GPR158: variants seen among roughly 807,000 people sequenced by gnomAD.
GPR158 encodes the protein G protein-coupled receptor 158.
In GPR158, 30 loss-of-function variants were observed where a neutral mutation model predicts 78.2. The ratio of observed to expected loss-of-function variants is 0.38; its 90% CI spans 0.29 to 0.52. GPR158 has a LOEUF of 0.52. GPR158 is among the 20% of genes least tolerant of loss of function. The pLI is 0.83. For missense variants in GPR158, 1,463 were observed against 1,523.5 expected (o/e 0.96, Z 0.66); for synonymous variants, 581 against 591.1 (o/e 0.98, Z 0.25).
At chr10:25,488,256 A>G (rs778412107) in intron 5 of GPR158, among the ~76,000 whole-genome samples, 3 of 152,114 alleles carry the variant, frequency 2.0e-5, no homozygotes, top group South Asian at 2.1e-4. Flanking sequence ...CTTCTCTGCC[A>G]TTTAACCTCA....
At chr10:25,482,234 A>T (rs1250657078) in intron 5 of GPR158, among the ~76,000 whole-genome samples, 1 of 151,990 alleles carries the variant, frequency 6.6e-6, no homozygotes, top group Non-Finnish European at 1.5e-5. Context: ...CCCAGGCTGG[A>T]GGGCAGTGGC....
intron 1 of GPR158, among the ~76,000 whole-genome samples, chr10:25,194,251 G>T (rs1852814812): frequency 6.6e-6 from 1 of 152,052 alleles, no homozygotes. Flanking sequence ...AAGATTGGAA[G>T]AGCCAGGCTG....
At chr10:25,514,398 T>C (rs942164655) in intron 5 of GPR158, among the ~76,000 whole-genome samples, 1 of 152,166 alleles carries the variant, frequency 6.6e-6, no homozygotes, top group Non-Finnish European at 1.5e-5. Context: ...ATGTGAGTCC[T>C]TATATGTTAG....
At chr10:25,224,567 A>T (rs1853347419) in intron 2 of GPR158, among the ~76,000 whole-genome samples, 1 of 151,900 alleles carries the variant, frequency 6.6e-6, no homozygotes, top group South Asian at 2.1e-4. Context: ...TTTTAGTGAG[A>T]CTGTTATGAT....
chr10:25,593,416 A>C (rs1837365860), intron 8 of GPR158, among the ~76,000 whole-genome samples: 1 of 152,092 alleles, frequency 6.6e-6, no homozygotes, highest in African/African-American at 2.4e-5. Context: ...AACTTTGCAC[A>C]TTTGATGATG....
At chr10:25,297,404 C>T (rs556117458) in intron 2 of GPR158, among the ~76,000 whole-genome samples, 37 of 150,548 alleles carry the variant, frequency 2.5e-4, no homozygotes, top group African/African-American at 8.0e-4. Flanking sequence ...ATGAGTGAAT[C>T]AGGTGTGTAA....
At chr10:25,472,823 GA>G (rs1275497011) in intron 5 of GPR158, among the ~76,000 whole-genome samples, 1 of 152,224 alleles carries the variant, frequency 6.6e-6, no homozygotes, top group Non-Finnish European at 1.5e-5. Context: ...AGACTTTGCT[GA>G]AGTTGCTTAT....
intron 2 of GPR158, among the ~76,000 whole-genome samples, chr10:25,375,470 T>C (rs1007254209): frequency 6.6e-6 from 1 of 151,660 alleles, no homozygotes; most frequent in East Asian, 1.9e-4. Flanking sequence ...TTTTCTCTTT[T>C]TTTTCTACAA....
intron 6 of GPR158, among the ~76,000 whole-genome samples, chr10:25,558,619 G>A (rs1836819127): frequency 6.6e-6 from 1 of 152,142 alleles, no homozygotes; most frequent in Non-Finnish European, 1.5e-5. Context: ...ATGTGCCAGA[G>A]GCCCACCTGG....
At chr10:25,297,948 G>T (rs1397282956) in intron 2 of GPR158, among the ~76,000 whole-genome samples, 1 of 152,162 alleles carries the variant, frequency 6.6e-6, no homozygotes, top group East Asian at 1.9e-4. Flanking sequence ...TCACATCTTT[G>T]CCCCTTAATA....
intron 4 of GPR158, among the ~76,000 whole-genome samples, chr10:25,459,862 G>C (rs1835335058): frequency 6.6e-6 from 1 of 152,118 alleles, no homozygotes; most frequent in East Asian, 1.9e-4. Context: ...TTTGATATCT[G>C]GCTGTTATAA....
intron 1 of GPR158, among the ~76,000 whole-genome samples, chr10:25,213,152 T>C (rs1340123891): frequency 6.6e-6 from 1 of 152,204 alleles, no homozygotes; most frequent in African/African-American, 2.4e-5. Flanking sequence ...CATTTTTCTT[T>C]TTCAGTTTTT....
At chr10:25,180,526 C>T (rs544603707) in intron 1 of GPR158, among the ~76,000 whole-genome samples, 10 of 152,138 alleles carry the variant, frequency 6.6e-5, no homozygotes, top group Non-Finnish European at 1.2e-4. Flanking sequence ...TTTGCCCAAA[C>T]CAGTGATATA....
intron 2 of GPR158, among the ~76,000 whole-genome samples, chr10:25,329,839 G>T (rs182475912): frequency 6.6e-6 from 1 of 152,026 alleles, no homozygotes; most frequent in Admixed American, 6.5e-5. Flanking sequence ...TATCGTAAGC[G>T]TCTATACTTG....
At chr10:25,185,546 G>A (rs900525925) in intron 1 of GPR158, among the ~76,000 whole-genome samples, 8 of 152,182 alleles carry the variant, frequency 5.3e-5, no homozygotes, top group South Asian at 2.1e-4. Flanking sequence ...GCACTAGGCC[G>A]GATGTGGTGG....
intron 2 of GPR158, among the ~76,000 whole-genome samples, chr10:25,371,451 AACTAT>A (rs1833991627): frequency 1.3e-5 from 2 of 151,934 alleles, no homozygotes; most frequent in Non-Finnish European, 2.9e-5. Flanking sequence ...CCTGACTTCA[AACTAT>A]ACTATAAGGC....
rs138753874 is a variant in GPR158 at position 25,333,984 on chromosome 10, C to A, written c.1009-61927C>A. ...TCAGATATTGCTTTATTTTGTAAACCAGATATTGCTTTATTTTGTAAACCT... is the reference window on the plus strand; with the variant it reads ...TCAGATATTGCTTTATTTTGTAAACAAGATATTGCTTTATTTTGTAAACCT... On this transcript the variant is annotated intron_variant, in intron 2 of 10. Transcript: ENST00000376351. 4.8e-3 allele frequency among the ~76,000 whole-genome samples: 727 copies of A among 152,164 alleles called. 19 individuals are homozygous for A. Among genetic ancestry groups the A allele is most frequent in the Admixed American group, 0.039 (596 of 15,268 alleles).
chr10:25,479,095 G>A (rs1466128895), intron 5 of GPR158, among the ~76,000 whole-genome samples: 1 of 151,962 alleles, frequency 6.6e-6, no homozygotes, highest in African/African-American at 2.4e-5. Flanking sequence ...GAGTAGTGCT[G>A]CAATAAACAT....
intron 5 of GPR158, among the ~76,000 whole-genome samples, chr10:25,521,215 G>C (rs1258272002): frequency 6.6e-6 from 1 of 152,242 alleles, no homozygotes; most frequent in Non-Finnish European, 1.5e-5. Flanking sequence ...GCCTCGCCCT[G>C]CTTCGGCTCG....
Sources: allele counts gnomAD v4.1 joint callset (sites outside exome capture counted in the v4.1 genomes callset), GRCh38; gene constraint gnomAD v4.1.1; transcripts MANE v1.5; gene names NCBI Gene and HGNC (gene_info 2026-07-23, HGNC 2026-07-21).